Variants in COMMD6 observed in about 807,000 individuals in gnomAD.
The protein encoded by COMMD6 is COMM domain-containing protein 6.
In COMMD6, 11 loss-of-function variants were observed where a neutral mutation model predicts 13.4. The ratio of observed to expected loss-of-function variants is 0.82; its 90% CI spans 0.52 to 1.36. COMMD6 has a LOEUF of 1.36. COMMD6 is among the 40% of genes most tolerant of loss of function. The probability of loss-of-function intolerance (pLI) is 0.00; values close to 1 mark genes in which losing one functional copy is unlikely to be tolerated. For synonymous variants in COMMD6, 43 were observed against 36.5 expected, an observed-to-expected ratio of 1.18 and a Z score of -0.64; for missense variants, 124 against 102.4, an observed-to-expected ratio of 1.21 and a Z score of -0.91.
chr13:75,545,530 TG>T (rs2138431385), intron 1 of COMMD6, among the ~76,000 whole-genome samples: 1 of 151,992 alleles, frequency 6.6e-6, no homozygotes, highest in East Asian at 1.9e-4. Context: ...GCCGTGGCGG[TG>T]GCGCTATCTC....
At chr13:75,527,717 CTGGAGGACATTGTGCAAAGTGAAATAAG>C in intron 3 of COMMD6, 1 of 1,221,538 alleles carries the variant, frequency 8.2e-7, no homozygotes, top group Non-Finnish European at 1.0e-6. Context: ...ATGGATGAAC[CTGGAGGACATTGTGCAAAGTGAAATAAG>C]CCAGACACAG....
chr13:75,537,767 G>C lies in COMMD6; in HGVS notation c.39C>G (p.Ser13=), dbSNP rs995026285. The change falls in exon 1 of 4, where the codon TCC becomes TCG. Residue 13 remains serine, a synonymous_variant. Coordinates refer to ENST00000682242, the MANE Select transcript of COMMD6 (RefSeq NM_203495.4). ...CTCCTTCCAGGTTGGAACTCACATC[G>C]GACTTAGCATCCAGCGGCGGCTCGC... ...ASSEPPLDAK[S]DVTNQLVDFQ... The C allele has an allele frequency of 5.0e-6, 8 of 1,613,236 alleles. No individual in the cohort carries two copies. The highest frequency in any genetic ancestry group is 6.8e-6 in the Non-Finnish European group (8 of 1,179,534).
chr13:75,535,028 A>G (rs2030614214), intron 2 of COMMD6, among the ~76,000 whole-genome samples: 1 of 152,260 alleles, frequency 6.6e-6, no homozygotes, highest in African/African-American at 2.4e-5. Flanking sequence ...TAGCGTGACG[A>G]AATGCAGGGT....
At chr13:75,533,577 A>G (rs1295730493) in intron 2 of COMMD6, among the ~76,000 whole-genome samples, 2 of 151,942 alleles carry the variant, frequency 1.3e-5, no homozygotes, top group South Asian at 2.1e-4. Flanking sequence ...TCTGAAAAAA[A>G]AAAAAAAAAA....
At chr13:75,547,109 A>C (rs2030915854) in intron 1 of COMMD6, among the ~76,000 whole-genome samples, 2 of 152,214 alleles carry the variant, frequency 1.3e-5, no homozygotes, top group Non-Finnish European at 2.9e-5. Context: ...TCTGTAAGGC[A>C]CATGAAAGCC....
At chr13:75,532,276 A>G (rs1460922452) in intron 2 of COMMD6, among the ~76,000 whole-genome samples, 1 of 152,202 alleles carries the variant, frequency 6.6e-6, no homozygotes, top group Non-Finnish European at 1.5e-5. Context: ...TTTTGCATAT[A>G]TAGTCCAGAG....
intron 1 of COMMD6, among the ~76,000 whole-genome samples, chr13:75,544,122 G>A (rs568533470): frequency 6.6e-6 from 1 of 152,008 alleles, no homozygotes; most frequent in Non-Finnish European, 1.5e-5. Flanking sequence ...TGGTGGGTGG[G>A]GGGGAGGTGG....
chr13:75,546,051 A>T (rs1470107138), intron 1 of COMMD6, among the ~76,000 whole-genome samples: 2 of 152,234 alleles, frequency 1.3e-5, no homozygotes, highest in African/African-American at 4.8e-5. Flanking sequence ...ATTCTCCATG[A>T]TGTACTTATT....
intron 2 of COMMD6, among the ~76,000 whole-genome samples, chr13:75,534,755 AC>A (rs1223797136): frequency 1.3e-5 from 2 of 152,274 alleles, no homozygotes; most frequent in African/African-American, 4.8e-5. Flanking sequence ...AGGTAAACAC[AC>A]AAATTAGCTG....
chr13:75,539,062 G>C (rs2138426923), upstream of COMMD6, among the ~76,000 whole-genome samples: 2 of 152,228 alleles, frequency 1.3e-5, no homozygotes, highest in South Asian at 4.1e-4. Flanking sequence ...GCCAGGAAGG[G>C]CAGGTCAAGT....
At chr13:75,539,351 G>A (rs1048339145), upstream of COMMD6, among the ~76,000 whole-genome samples, 1 of 151,828 alleles carries the variant, frequency 6.6e-6, no homozygotes, top group Non-Finnish European at 1.5e-5. Flanking sequence ...CAATTCTCCT[G>A]CCTCAGCCTT....
intron 2 of COMMD6, among the ~76,000 whole-genome samples, chr13:75,532,937 T>TG (rs1260655710): frequency 6.6e-6 from 1 of 151,308 alleles, no homozygotes; most frequent in East Asian, 1.9e-4. Flanking sequence ...TGTTTTGTTT[T>TG]TTTTTTTTTT....
At chr13:75,540,344 C>CCCACACACACA (rs372640334), upstream of COMMD6, among the ~76,000 whole-genome samples, 46 of 147,382 alleles carry the variant, frequency 3.1e-4, no homozygotes, top group African/African-American at 1.0e-3. Context: ...ACACACACAC[C>CCCACACACACA]CACACACACA....
upstream of COMMD6, among the ~76,000 whole-genome samples, chr13:75,539,529 G>C (rs2030789975): frequency 6.6e-6 from 1 of 152,078 alleles, no homozygotes; most frequent in South Asian, 2.1e-4. Context: ...TTACAGACGT[G>C]AGCCACTGTG....
At chr13:75,526,823 T>G (rs978043762) in intron 3 of COMMD6, among the ~76,000 whole-genome samples, 184 bp from the exon 4 acceptor site, 3 of 152,214 alleles carry the variant, frequency 2.0e-5, no homozygotes, top group African/African-American at 7.2e-5. Flanking sequence ...GCAAAAATAC[T>G]ACTGTGGGGT....
chr13:75,532,572 C>A (rs1377599750), intron 2 of COMMD6, among the ~76,000 whole-genome samples: 1 of 152,158 alleles, frequency 6.6e-6, no homozygotes, highest in Non-Finnish European at 1.5e-5. Context: ...TGGCTCACGC[C>A]TGTAATCCCA....
chr13:75,545,811 T>C (rs556496413), intron 1 of COMMD6, among the ~76,000 whole-genome samples: 1 of 152,260 alleles, frequency 6.6e-6, no homozygotes, highest in South Asian at 2.1e-4. Flanking sequence ...AGGGTAGTAG[T>C]CGTGACTCAG....
chr13:75,538,991 C>G (rs1426597257), upstream of COMMD6, among the ~76,000 whole-genome samples: 2 of 152,134 alleles, frequency 1.3e-5, no homozygotes, highest in Non-Finnish European at 2.9e-5. Flanking sequence ...TAGATGGGGA[C>G]TCCCAGCTCC....
intron 2 of COMMD6, among the ~76,000 whole-genome samples, chr13:75,531,924 A>G (rs143355712): frequency 7.1e-4 from 108 of 152,380 alleles, no homozygotes; most frequent in African/African-American, 2.5e-3. Context: ...AGCTTTATTC[A>G]TAATAGCCCT....
Sources: gnomAD v4.1 joint callset for allele counts (sites outside exome capture counted in the v4.1 genomes callset) on GRCh38, gnomAD v4.1.1 for gene constraint, MANE v1.5 for transcripts, NCBI Gene and HGNC (gene_info 2026-07-23, HGNC 2026-07-21) for gene names.